CACNA2D3: variants seen among roughly 807,000 people sequenced by gnomAD.
The protein encoded by CACNA2D3 is calcium voltage-gated channel auxiliary subunit alpha2delta 3.
CACNA2D3 carries 60 observed loss-of-function variants against 160.6 expected under a neutral mutation model. The ratio of observed to expected loss-of-function variants is 0.37; its 90% confidence interval spans 0.30 to 0.46. The LOEUF is 0.46. CACNA2D3 is among the 20% of genes least tolerant of loss of function. The probability of loss-of-function intolerance (pLI) is 1.00; values close to 1 mark genes in which losing one functional copy is unlikely to be tolerated. For synonymous variants in CACNA2D3, 558 were observed against 492.9 expected, an observed-to-expected ratio of 1.13 and a Z score of -1.75; for missense variants, 1,205 against 1,365.0, an observed-to-expected ratio of 0.88 and a Z score of 1.85.
At chr3:54,488,173 T>C (rs1232622347) in intron 4 of CACNA2D3, among the ~76,000 whole-genome samples, 1 of 152,180 alleles carries the variant, frequency 6.6e-6, no homozygotes, top group East Asian at 1.9e-4. Flanking sequence ...AGGAAAGAGC[T>C]AGATCAAGCA....
chr3:54,586,958 A>G (rs1401773575), intron 9 of CACNA2D3, among the ~76,000 whole-genome samples: 1 of 152,110 alleles, frequency 6.6e-6, no homozygotes, highest in Non-Finnish European at 1.5e-5. Flanking sequence ...AATTAAAAAA[A>G]ATACAAATCT....
At chr3:54,507,088 T>C (rs1701382805) in intron 5 of CACNA2D3, among the ~76,000 whole-genome samples, 1 of 152,212 alleles carries the variant, frequency 6.6e-6, no homozygotes, top group Non-Finnish European at 1.5e-5. Flanking sequence ...TTCATGTGTG[T>C]TTGTAAATAT....
rs150367716 is a variant in CACNA2D3, at chr3:54,953,539, A to G, written c.2450-14911A>G. On this transcript the variant is annotated intron_variant, in intron 27 of 37. Transcript: ENST00000474759. ...TGTGCGTAGAGGAAAAGTACCAGTC[A>G]TTACAACAAGGCCTCAGGAGACCTT... 9.7e-4 allele frequency among the ~76,000 whole-genome samples: 148 copies of G among 152,304 alleles called. 1 individual carries two copies. The South Asian group carries it at 0.011, about 11-fold the overall frequency.
intron 2 of CACNA2D3, among the ~76,000 whole-genome samples, chr3:54,165,600 T>TAAAAA (rs373085382): frequency 2.1e-5 from 2 of 93,436 alleles, no homozygotes; most frequent in African/African-American, 4.0e-5. Context: ...GTTCCATCTC[T>TAAAAA]AAAAAAAAAA....
intron 2 of CACNA2D3, among the ~76,000 whole-genome samples, chr3:54,275,965 GTTCT>G: frequency 6.6e-6 from 1 of 152,150 alleles, no homozygotes. Flanking sequence ...AAAGTTGCAG[GTTCT>G]TTTAATACTA....
At chr3:54,518,587 A>G (rs112015031) in intron 5 of CACNA2D3, among the ~76,000 whole-genome samples, 386 of 152,316 alleles carry the variant, frequency 2.5e-3, no homozygotes, top group African/African-American at 8.9e-3. Flanking sequence ...TGTGCCTGGT[A>G]TTCTTGATAA....
intron 29 of CACNA2D3, among the ~76,000 whole-genome samples, chr3:54,974,623 C>T (rs1702343709): frequency 6.6e-6 from 1 of 152,224 alleles, no homozygotes; most frequent in Non-Finnish European, 1.5e-5. Flanking sequence ...TCAGACTTCT[C>T]TGAGTAATAC....
intron 4 of CACNA2D3, among the ~76,000 whole-genome samples, chr3:54,401,893 T>C (rs1699473202): frequency 6.6e-6 from 1 of 152,124 alleles, no homozygotes; most frequent in Admixed American, 6.5e-5. Flanking sequence ...ATCTCTAGTA[T>C]AAAGGTCAAA....
intron 3 of CACNA2D3, among the ~76,000 whole-genome samples, chr3:54,337,569 C>T (rs1277977933): frequency 6.6e-6 from 1 of 152,204 alleles, no homozygotes. Flanking sequence ...GTTGTAGGCC[C>T]TATTGAGAAG....
chr3:54,891,273 A>G, intron 24 of CACNA2D3, 82 bp from the exon 25 acceptor site: 1 of 909,850 alleles, frequency 1.1e-6, no homozygotes, highest in Non-Finnish European at 1.7e-6. Context: ...TTTGGTAAAA[A>G]CATTCTGTGA....
intron 11 of CACNA2D3, among the ~76,000 whole-genome samples, chr3:54,742,337 G>T (rs1211708489): frequency 6.6e-6 from 1 of 152,152 alleles, no homozygotes; most frequent in African/African-American, 2.4e-5. Flanking sequence ...AGAATCGCTT[G>T]AACCTGGGAG....
chr3:54,871,233 C>G (rs1205865358), intron 17 of CACNA2D3, among the ~76,000 whole-genome samples: 11 of 147,124 alleles, frequency 7.5e-5, no homozygotes, highest in Admixed American at 7.3e-4. Context: ...ACCCCCCATT[C>G]AAGGAGGGGA....
intron 13 of CACNA2D3, among the ~76,000 whole-genome samples, chr3:54,788,024 C>G (rs578027794): frequency 3.9e-5 from 6 of 152,322 alleles, no homozygotes; most frequent in African/African-American, 1.4e-4. Context: ...ACTTCCTAAT[C>G]ATTGCTGTTG....
chr3:54,462,203 G>T (rs1351262307), intron 4 of CACNA2D3, among the ~76,000 whole-genome samples: 1 of 152,054 alleles, frequency 6.6e-6, no homozygotes, highest in Admixed American at 6.6e-5. Flanking sequence ...CCCAGTATGT[G>T]GTCCATTTTG....
At chr3:54,771,626 T>C (rs190014990) in intron 13 of CACNA2D3, among the ~76,000 whole-genome samples, 101 of 152,334 alleles carry the variant, frequency 6.6e-4, no homozygotes, top group Non-Finnish European at 1.8e-4. Context: ...ATGCTGTTTG[T>C]TTTCCTCCAG....
At chr3:54,386,190 A>G (rs1223002615) in intron 3 of CACNA2D3, among the ~76,000 whole-genome samples, 2 of 152,220 alleles carry the variant, frequency 1.3e-5, no homozygotes, top group Non-Finnish European at 2.9e-5. Context: ...AGTGGCATTG[A>G]TGGACCATAA....
chr3:54,749,080 A>G (rs1299140220), intron 11 of CACNA2D3, among the ~76,000 whole-genome samples: 1 of 152,226 alleles, frequency 6.6e-6, no homozygotes, highest in African/African-American at 2.4e-5. Context: ...TTGTTCAGGA[A>G]GTAGCAATGT....
chr3:54,562,846 A>C lies in CACNA2D3; in HGVS notation c.591A>C (p.Lys197Asn), dbSNP rs1702349515. 6 of 1,613,202 alleles carry C rather than the reference A, an allele frequency of 3.7e-6. No individual in the cohort carries two copies. Among genetic ancestry groups the C allele is most frequent in the Non-Finnish European group, 4.2e-6 (5 of 1,179,344 alleles). Residue 197 changes from lysine to asparagine, a missense_variant, in exon 6 of 38, where the codon AAA becomes AAC. Physicochemically the swap from Lys to Asn is moderately conservative, Grantham distance 94. Coordinates refer to ENST00000474759, the MANE Select transcript of CACNA2D3 (RefSeq NM_018398.3). ...TTTATTGGTCTGAATCTCTAAACAA[A>C]GTTTTTGTAGATAACTTTGACCGTG... is the stretch of plus-strand genomic sequence containing the variant. ...NGVYWSESLN[K>N]VFVDNFDRDP... is the part of the protein sequence containing the mutation.
At chr3:54,521,815 T>A (rs756399944) in intron 5 of CACNA2D3, among the ~76,000 whole-genome samples, 3 of 152,226 alleles carry the variant, frequency 2.0e-5, no homozygotes, top group Non-Finnish European at 4.4e-5. Flanking sequence ...TTGAAAAGAC[T>A]GTTCTTTCCC....
Sources: gnomAD v4.1 joint callset for allele counts (sites outside exome capture counted in the v4.1 genomes callset) on GRCh38, gnomAD v4.1.1 for gene constraint, MANE v1.5 for transcripts, NCBI Gene and HGNC (gene_info 2026-07-23, HGNC 2026-07-21) for gene names.